RNF114: variants seen among roughly 807,000 people sequenced by gnomAD.
The protein encoded by RNF114 is E3 ubiquitin-protein ligase RNF114.
A neutral mutation model predicts 28.4 loss-of-function variants in RNF114; 6 were observed. The observed-to-expected ratio is 0.21, with a 90% CI of 0.12 to 0.42. RNF114 has a LOEUF of 0.42. RNF114 is among the 10% of genes least tolerant of loss of function. The probability of loss-of-function intolerance (pLI) is 1.00; values close to 1 mark genes in which losing one functional copy is unlikely to be tolerated. For missense variants in RNF114, 249 were observed against 311.7 expected (o/e 0.80, Z 1.51); for synonymous variants, 115 against 116.7 (o/e 0.99, Z 0.09).
intron 1 of RNF114, among the ~76,000 whole-genome samples, chr20:49,940,044 ACT>A (rs1318084850): frequency 8.8e-6 from 1 of 113,090 alleles, no homozygotes; most frequent in Non-Finnish European, 1.7e-5. Flanking sequence ...ACAGAGCACG[ACT>A]CTGTCTCAAA....
rs1264226594 is a variant in RNF114 at position 49,953,361 on chromosome 20, C to A, written c.*1220C>A. The A allele has an allele frequency of 6.6e-6, 1 of 152,100 alleles. No individual in the cohort carries two copies. Among genetic ancestry groups the A allele is most frequent in the Non-Finnish European group, 1.5e-5 (1 of 68,024 alleles). 9.4% of individuals were successfully genotyped at this position (152,100 alleles called of 1,614,324 possible). On this transcript the variant is annotated 3_prime_UTR_variant, in exon 6 of 6. Coordinates refer to ENST00000244061, the MANE Select transcript of RNF114 (RefSeq NM_018683.4). Reference sequence around the variant, plus strand: ...TTCACAAATATTAATAAATATAAGTCCAAGAGCTGTCAGCCTAATCTGTAG... The same window carrying A: ...TTCACAAATATTAATAAATATAAGTACAAGAGCTGTCAGCCTAATCTGTAG...
At position 49,936,435 on chromosome 20, in the gene RNF114, G is replaced by C. The variant is rs776420674; in HGVS notation, c.23G>C (p.Cys8Ser). 2.6e-6 allele frequency: 4 copies of C among 1,538,604 alleles called. No individual in the cohort carries two copies. The highest frequency in any genetic ancestry group is 3.5e-6 in the Non-Finnish European group (4 of 1,143,468). The change falls in exon 1 of 6, where the codon TGC (cysteine) becomes TCC (serine). Residue 8 changes from cysteine (C) to serine (S), a missense_variant. Coordinates refer to ENST00000244061, the MANE Select transcript of RNF114 (RefSeq NM_018683.4). MAAQQRD[C>S]GGAAQLAGPA... The stretch of plus-strand genomic sequence containing the variant: ...AAGATGGCGGCGCAACAGCGGGACT[G>C]CGGGGGTGCTGCGCAGCTGGCGGGG...
At chr20:49,949,617 T>C (rs1027677150) in intron 5 of RNF114, among the ~76,000 whole-genome samples, 1 of 152,174 alleles carries the variant, frequency 6.6e-6, no homozygotes, top group African/African-American at 2.4e-5. Context: ...ACAGTTTCTA[T>C]TCATGGGCCA....
Position 49,936,571 on chromosome 20 carries a change from C to T in RNF114, c.140+19C>T, listed in dbSNP as rs1470964862. The stretch of plus-strand genomic sequence containing the variant: ...GACACGTGTAAGCGGCGAGCCCGGG[C>T]CTGGTCGGGGGGCGCTTAACTGGGA... On this transcript the variant is annotated intron_variant, in intron 1 of 5. Transcript: ENST00000244061. 3 of 1,580,100 alleles carry T rather than the reference C, an allele frequency of 1.9e-6. No homozygotes were observed. Among genetic ancestry groups the T allele is most frequent in the Non-Finnish European group, 2.6e-6 (3 of 1,164,924 alleles).
chr20:49,942,479 G>A (rs2090311600), intron 2 of RNF114, among the ~76,000 whole-genome samples: 1 of 152,128 alleles, frequency 6.6e-6, no homozygotes, highest in African/African-American at 2.4e-5. Context: ...CCATACAAAA[G>A]TACACAATAA....
rs186055081 is a variant in RNF114, at chr20:49,937,543, G to A, written c.140+991G>A. ...AGGGTCCGAGGCTCTCTTAGGGAAG[G>A]GTCACCGTGGCCTAGCTCTTCCCAG... On this transcript the variant is annotated intron_variant, in intron 1 of 5. Transcript: ENST00000244061. Among the ~76,000 whole-genome samples the A allele has an allele frequency of 1.1e-4, 16 of 152,248 alleles. No homozygotes were observed. The East Asian group carries it at 2.1e-3, about 20-fold the overall frequency.
At chr20:49,950,896 A>G (rs1312029377) in intron 5 of RNF114, among the ~76,000 whole-genome samples, 14 of 152,158 alleles carry the variant, frequency 9.2e-5, no homozygotes, top group Non-Finnish European at 1.9e-4. Context: ...ATGCCCAAGC[A>G]GGACAGGAAA....
chr20:49,942,515 A>G (rs1228385122), intron 2 of RNF114, among the ~76,000 whole-genome samples: 1 of 152,186 alleles, frequency 6.6e-6, no homozygotes, highest in African/African-American at 2.4e-5. Flanking sequence ...CATTCCAGAG[A>G]TTACTTCAAA....
In RNF114 at chr20:49,945,493, A is replaced by G. The variant is rs977512912; in HGVS notation, c.398+5A>G. The G allele has an allele frequency of 6.4e-7, 1 of 1,553,900 alleles. No individual in the cohort carries two copies. Among genetic ancestry groups the G allele is most frequent in the Admixed American group, 1.7e-5 (1 of 59,936 alleles). On this transcript the variant is annotated splice_donor_5th_base_variant and intron_variant, in intron 3 of 5. Transcript: ENST00000244061. ...GGATGCATCTCTTCAGCCAAGGTAAATGACTCAGTCTCCCCTTAGGTGGAG... is the reference window on the plus strand; with the variant it reads ...GGATGCATCTCTTCAGCCAAGGTAAGTGACTCAGTCTCCCCTTAGGTGGAG...
In RNF114 at chr20:49,947,725, C is replaced by T. The variant is rs963405328; in HGVS notation, c.513+1475C>T. 7.9e-5 allele frequency among the ~76,000 whole-genome samples: 11 copies of T among 138,742 alleles called. 1 individual carries two copies. The South Asian group carries it at 2.3e-3, about 29-fold the overall frequency. The allele number at this position is 138,742 out of a possible 152,430, so 91.0% of individuals were successfully genotyped here. A position where few individuals can be genotyped will look rare whatever the true frequency, so the allele number is the denominator to read the frequency against. The stretch of plus-strand genomic sequence containing the variant: ...TATGTTGTCTATGTTGAGGCCTTCT[C>T]TTCAGCCTTTGGCCCTCTGTTCTGT... On this transcript the variant is annotated intron_variant, in intron 4 of 5. Transcript: ENST00000244061.
intron 1 of RNF114, among the ~76,000 whole-genome samples, chr20:49,939,099 C>T (rs1461473288): frequency 1.3e-5 from 2 of 152,216 alleles, no homozygotes; most frequent in African/African-American, 4.8e-5. Flanking sequence ...TGGCTGTCCT[C>T]GTAATCAGGT....
intron 2 of RNF114, chr20:49,943,881 T>TAG (rs2090318397): frequency 7.0e-6 from 1 of 142,328 alleles, no homozygotes; most frequent in African/African-American, 2.6e-5. Flanking sequence ...GAGATATATA[T>TAG]ATATATATAT....
rs775076155 is a variant in RNF114, at chr20:49,946,149, C to T, written c.412C>T (p.Arg138Cys). ...TTCACCTTCCAGGAATGTTCCAAACCGTTACACCTTTCCTTGTCCTTACTG... is the reference window on the plus strand; with the variant it reads ...TTCACCTTCCAGGAATGTTCCAAACTGTTACACCTTTCCTTGTCCTTACTG... ...ASLQPRNVPN[R>C]YTFPCPYCPE... is the part of the protein sequence containing the mutation. Residue 138 changes from arginine (R) to cysteine (C), a missense_variant, in exon 4 of 6, where the codon CGT (arginine) becomes TGT (cysteine). Coordinates refer to ENST00000244061, the MANE Select transcript of RNF114 (RefSeq NM_018683.4). 3.8e-6 allele frequency: 6 copies of T among 1,598,566 alleles called. No homozygotes were observed. The highest frequency in any genetic ancestry group is 3.5e-5 in the Admixed American group (2 of 56,386).
chr20:49,947,901 C>T (rs1192943172), intron 4 of RNF114, among the ~76,000 whole-genome samples: 2 of 149,650 alleles, frequency 1.3e-5, no homozygotes, highest in African/African-American at 2.5e-5. Context: ...ACGCCATTCT[C>T]CTGCCTCAGC....
intron 2 of RNF114, among the ~76,000 whole-genome samples, chr20:49,943,550 C>T (rs1017690482): frequency 6.6e-6 from 1 of 151,396 alleles, no homozygotes; most frequent in African/African-American, 2.4e-5. Context: ...GTGAGACAAT[C>T]ATCATGGTAA....
chr20:49,951,478 G>A (rs1048865662), intron 5 of RNF114, among the ~76,000 whole-genome samples: 3 of 152,066 alleles, frequency 2.0e-5, no homozygotes, highest in African/African-American at 7.2e-5. Flanking sequence ...GCTCTGTTCC[G>A]ACAGACTTAC....
intron 2 of RNF114, chr20:49,944,496 AACTT>A (rs2090320919): frequency 6.6e-6 from 1 of 152,070 alleles, no homozygotes; most frequent in African/African-American, 2.4e-5. Context: ...CAATTCTTAA[AACTT>A]TCTTTCTTTT....
At chr20:49,945,521 C>A in intron 3 of RNF114, 33 bp downstream of exon 3, 1 of 1,304,378 alleles carries the variant, frequency 7.7e-7, no homozygotes, top group South Asian at 1.2e-5. Flanking sequence ...AGGTGGAGGT[C>A]ATCTCTTGCT....
chr20:49,940,755 A>G (rs1422584077), intron 1 of RNF114, among the ~76,000 whole-genome samples: 1 of 149,244 alleles, frequency 6.7e-6, no homozygotes, highest in Admixed American at 6.8e-5. Context: ...CCGTCTCTGC[A>G]GTCTTCCCCT....
Sources: gnomAD v4.1 joint callset for allele counts (sites outside exome capture counted in the v4.1 genomes callset) on GRCh38, gnomAD v4.1.1 for gene constraint, MANE v1.5 for transcripts, NCBI Gene and HGNC (gene_info 2026-07-23, HGNC 2026-07-21) for gene names.